TP53BP2: variants seen among roughly 807,000 people sequenced by gnomAD.
The protein encoded by TP53BP2 is apoptosis-stimulating of p53 protein 2.
In TP53BP2, 62 loss-of-function variants were observed where a neutral mutation model predicts 126.2. The ratio of observed to expected loss-of-function variants is 0.49; its 90% CI spans 0.40 to 0.61. The LOEUF is 0.61. Among genes scored for constraint, TP53BP2 ranks in the 20% least tolerant of loss-of-function variants. TP53BP2 has a pLI of 0.00. For synonymous variants in TP53BP2, 485 were observed against 502.9 expected, an observed-to-expected ratio of 0.96 and a Z score of 0.48; for missense variants, 1,215 against 1,402.8, an observed-to-expected ratio of 0.87 and a Z score of 2.14.
At chr1:223,836,168 G>A (rs915596527) in intron 1 of TP53BP2, among the ~76,000 whole-genome samples, 1 of 152,210 alleles carries the variant, frequency 6.6e-6, no homozygotes, top group Non-Finnish European at 1.5e-5. Context: ...CGAATGTGCT[G>A]CAAAAACTTT....
intron 2 of TP53BP2, among the ~76,000 whole-genome samples, chr1:223,819,904 C>A (rs974337042): frequency 1.3e-5 from 2 of 152,176 alleles, no homozygotes; most frequent in Non-Finnish European, 2.9e-5. Flanking sequence ...AAGGTCTCTA[C>A]CCTTAAATAG....
Position 223,796,546 on chromosome 1 carries a change from G to A in TP53BP2, c.1993C>T (p.His665Tyr), listed in dbSNP as rs139387890. Residue 665 changes from histidine to tyrosine, a missense_variant, in exon 13 of 18, where the codon CAC (histidine) becomes TAC (tyrosine). His to Tyr is a moderately conservative substitution (Grantham distance 83). This residue lies in a region of TP53BP2 where 814 missense variants were observed against 853.0 expected (regional missense o/e 0.95). Transcript: ENST00000343537. The surrounding 1 kb of genome is among the most constrained non-coding windows in gnomAD (Gnocchi z 4.2). ...CTATTGGAATAAATGTTCTCTGGGT[G>A]CTGCTGTTGATTCTGGGCAGCAGCA... is the stretch of plus-strand genomic sequence containing the variant. Reference protein sequence around the residue: ...VIAAAQNQQQHPENIYSNSQG... With the variant: ...VIAAAQNQQQYPENIYSNSQG... The A allele has an allele frequency of 1.9e-4, 301 of 1,613,390 alleles. No individual in the cohort carries two copies. The African/African-American group carries it at 3.6e-3, about 19-fold the overall frequency.
chr1:223,796,209 G>T lies in TP53BP2; in HGVS notation c.2330C>A (p.Pro777Gln), dbSNP rs1230636517. Residue 777 changes from proline (P) to glutamine (Q), a missense_variant, in exon 13 of 18, where the codon CCA becomes CAA. By Grantham distance (76) the Pro-to-Gln change is moderately conservative. Transcript: ENST00000343537. This position sits in a 1 kb window ranked among gnomAD's most constrained non-coding sequence, Gnocchi z 4.2. Reference protein sequence around the residue: ...AMETISVPSYPSKSASVTASS... With the variant: ...AMETISVPSYQSKSASVTASS... ...GGCAGTCACAGAAGCTGACTTGGAT[G>T]GGTATGATGGGACAGAGATGGTCTC... 4 of 1,614,084 alleles carry T rather than the reference G, an allele frequency of 2.5e-6. No individual in the cohort carries two copies. Among genetic ancestry groups the T allele is most frequent in the Admixed American group, 1.7e-5 (1 of 60,002 alleles).
intron 17 of TP53BP2, 120 bp downstream of exon 17, chr1:223,783,995 T>G: frequency 1.2e-6 from 1 of 855,000 alleles, no homozygotes; most frequent in Non-Finnish European, 1.9e-6. Context: ...TCAAAATGTT[T>G]AAATTCCATG....
Position 223,796,457 on chromosome 1 carries a change from A to G in TP53BP2, c.2082T>C (p.His694=), listed in dbSNP as rs1269349215. 1 of 1,614,186 alleles carries G rather than the reference A, an allele frequency of 6.2e-7. No individual in the cohort carries two copies. The highest frequency in any genetic ancestry group is 8.5e-7 in the Non-Finnish European group (1 of 1,180,030). ...TEPVSSVQEN[H]ENERIPRPLS... is the part of the protein sequence containing the mutation. ...GTGGCCGAGGAATTCTTTCGTTTTC[A>G]TGGTTCTCCTGAACTGAAGAAACAG... is the stretch of plus-strand genomic sequence containing the variant. Residue 694 remains histidine, a synonymous_variant, in exon 13 of 18, where the codon CAT becomes CAC. Coordinates refer to ENST00000343537, the MANE Select transcript of TP53BP2 (RefSeq NM_001031685.3). The surrounding 1 kb of genome is among the most constrained non-coding windows in gnomAD (Gnocchi z 4.2).
In TP53BP2 at chr1:223,805,833, C is replaced by T. The variant is rs1429656771; in HGVS notation, c.474+1013G>A. Among the ~76,000 whole-genome samples, 6 of 152,198 alleles carry T rather than the reference C, an allele frequency of 3.9e-5. No individual in the cohort carries two copies. The South Asian group carries it at 6.2e-4, about 16-fold the overall frequency. On this transcript the variant is annotated intron_variant, in intron 5 of 17. Coordinates refer to ENST00000343537, the MANE Select transcript of TP53BP2 (RefSeq NM_001031685.3). The stretch of plus-strand genomic sequence containing the variant: ...AAAGTTTTATTGGGACACAACCACA[C>T]CATCTGTTTACCTATTATCCATGAC...
intron 2 of TP53BP2, among the ~76,000 whole-genome samples, chr1:223,814,617 G>T (rs1663021729): frequency 6.6e-6 from 1 of 152,120 alleles, no homozygotes; most frequent in South Asian, 2.1e-4. Flanking sequence ...AATCCAGTGG[G>T]CTCCACGCTG....
At chr1:223,803,545 T>C in intron 6 of TP53BP2, 93 bp from the exon 7 acceptor site, 1 of 1,261,808 alleles carries the variant, frequency 7.9e-7, no homozygotes, top group African/African-American at 1.5e-5. Flanking sequence ...AACTTTCTAA[T>C]AAACAGTAGA....
chr1:223,812,245 G>C lies in TP53BP2; in HGVS notation c.290-1732C>G, dbSNP rs142175312. Among the ~76,000 whole-genome samples, 584 of 152,300 alleles carry C rather than the reference G, an allele frequency of 3.8e-3. 1 individual carries two copies. Among genetic ancestry groups the C allele is most frequent in the Non-Finnish European group, 4.8e-3 (327 of 68,016 alleles). The stretch of plus-strand genomic sequence containing the variant: ...CAAGTCACTTAACCCCTAAGTATCA[G>C]CATTTCTCATCTGTAGGGTAGAAGG... On this transcript the variant is annotated intron_variant, in intron 3 of 17. Coordinates refer to ENST00000343537, the MANE Select transcript of TP53BP2 (RefSeq NM_001031685.3).
intron 1 of TP53BP2, among the ~76,000 whole-genome samples, chr1:223,828,572 G>A (rs1663582483): frequency 6.6e-6 from 1 of 152,036 alleles, no homozygotes; most frequent in Non-Finnish European, 1.5e-5. Flanking sequence ...CTCAAATTTA[G>A]TCAGGAATGA....
intron 1 of TP53BP2, among the ~76,000 whole-genome samples, chr1:223,831,921 A>G (rs1663746823): frequency 6.6e-6 from 1 of 152,188 alleles, no homozygotes; most frequent in Non-Finnish European, 1.5e-5. Flanking sequence ...GATTTATTTT[A>G]AGAGTCCTGT....
intron 5 of TP53BP2, among the ~76,000 whole-genome samples, chr1:223,805,281 T>C (rs1662673881): frequency 6.6e-6 from 1 of 152,154 alleles, no homozygotes; most frequent in South Asian, 2.1e-4. Context: ...CACAAGGACT[T>C]GTTTTTAAGT....
intron 1 of TP53BP2, among the ~76,000 whole-genome samples, chr1:223,829,951 A>G (rs1365346850): frequency 6.6e-6 from 1 of 152,160 alleles, no homozygotes; most frequent in Non-Finnish European, 1.5e-5. Context: ...CAGGAACATC[A>G]TTTTTTATAG....
intron 1 of TP53BP2, among the ~76,000 whole-genome samples, chr1:223,826,356 C>A (rs1663495085): frequency 6.6e-6 from 1 of 152,122 alleles, no homozygotes. Context: ...GGGTTGGAGA[C>A]TGAAAATTCT....
chr1:223,792,397 A>G lies in TP53BP2; in HGVS notation c.2988T>C (p.Ser996=), dbSNP rs1047772423. Residue 996 remains serine, a synonymous_variant, in exon 15 of 18, where the codon AGT becomes AGC. Transcript: ENST00000343537. ...TTAAAAGAAAATCTTACCATCCATC[A>G]CTATCAGCAGCATTTACATTTACAC... ...QFGVNVNAAD[S]DGWTPLHCAA... The G allele has an allele frequency of 8.7e-6, 14 of 1,609,294 alleles. No homozygotes were observed. Among genetic ancestry groups the G allele is most frequent in the Non-Finnish European group, 1.1e-5 (13 of 1,177,622 alleles).
chr1:223,816,965 G>A (rs1005832072), intron 2 of TP53BP2, among the ~76,000 whole-genome samples: 1 of 150,978 alleles, frequency 6.6e-6, no homozygotes, highest in Non-Finnish European at 1.5e-5. Flanking sequence ...TTCAAGACCA[G>A]CCTAGGCAAC....
chr1:223,810,059 C>A (rs1275467210), intron 4 of TP53BP2, among the ~76,000 whole-genome samples: 1 of 152,180 alleles, frequency 6.6e-6, no homozygotes, highest in African/African-American at 2.4e-5. Flanking sequence ...CTCCTGACCT[C>A]AGGTGAGTCA....
At chr1:223,786,558 ATATG>A (rs1371576941) in intron 16 of TP53BP2, among the ~76,000 whole-genome samples, 3 of 148,316 alleles carry the variant, frequency 2.0e-5, no homozygotes, top group African/African-American at 2.5e-5. Context: ...CACATTATAT[ATATG>A]TGTGTGTGTG....
intron 1 of TP53BP2, among the ~76,000 whole-genome samples, chr1:223,828,992 A>T (rs1011244007): frequency 3.4e-5 from 5 of 148,574 alleles, no homozygotes; most frequent in African/African-American, 9.9e-5. Context: ...ATATCACTTT[A>T]AAAAAAAAAG....
Sources: gnomAD v4.1 joint callset for allele counts (sites outside exome capture counted in the v4.1 genomes callset) on GRCh38, gnomAD v4.1.1 for gene constraint, gnomAD v4.1.1 regional missense constraint, Gnocchi (gnomAD v3.1) non-coding constraint, MANE v1.5 for transcripts, NCBI Gene and HGNC (gene_info 2026-07-23, HGNC 2026-07-21) for gene names.